Variants in CACHD1 observed in about 807,000 individuals in gnomAD.
CACHD1 encodes VWFA and cache domain-containing protein 1.
CACHD1 carries 71 observed loss-of-function variants against 138.7 expected under a neutral mutation model. The ratio of observed to expected loss-of-function variants is 0.51; its 90% CI spans 0.42 to 0.62. The LOEUF (loss-of-function observed/expected upper bound fraction) is 0.62, where lower values mean the gene tolerates loss of function less well. Among genes scored for constraint, CACHD1 ranks in the 20% least tolerant of loss-of-function variants. The probability of loss-of-function intolerance (pLI) is 0.00; values close to 1 mark genes in which losing one functional copy is unlikely to be tolerated. For synonymous variants in CACHD1, 578 were observed against 591.5 expected (o/e 0.98, Z 0.33); for missense variants, 1,389 against 1,625.3 (o/e 0.85, Z 2.50).
intron 4 of CACHD1, among the ~76,000 whole-genome samples, chr1:64,605,752 C>T (rs568741094): frequency 1.3e-5 from 2 of 152,262 alleles, no homozygotes; most frequent in East Asian, 3.9e-4. Flanking sequence ...CAGCCAGGGC[C>T]TCATCCTCAT....
At chr1:64,606,247 T>C (rs967501383) in intron 4 of CACHD1, among the ~76,000 whole-genome samples, 2 of 151,976 alleles carry the variant, frequency 1.3e-5, no homozygotes, top group African/African-American at 4.8e-5. Flanking sequence ...AGATGAGACA[T>C]AGGGAATACG....
At chr1:64,485,133 T>C (rs1646235049) in intron 1 of CACHD1, among the ~76,000 whole-genome samples, 1 of 152,206 alleles carries the variant, frequency 6.6e-6, no homozygotes, top group Non-Finnish European at 1.5e-5. Flanking sequence ...CCAATACTTG[T>C]TTTTTGTTTG....
intron 1 of CACHD1, among the ~76,000 whole-genome samples, chr1:64,501,686 G>A (rs747518297): frequency 6.6e-6 from 1 of 152,176 alleles, no homozygotes; most frequent in Non-Finnish European, 1.5e-5. Flanking sequence ...CAAACACCTT[G>A]AAATACTACC....
At chr1:64,553,335 C>G (rs528667054) in intron 2 of CACHD1, among the ~76,000 whole-genome samples, 1 of 152,280 alleles carries the variant, frequency 6.6e-6, no homozygotes. Flanking sequence ...ACTGCTTAGA[C>G]ATTCTAGACT....
Position 64,691,563 on chromosome 1 carries a change from A to G in CACHD1, c.*2A>G. The G allele has an allele frequency of 6.2e-7, 1 of 1,611,098 alleles. No homozygotes were observed. The stretch of plus-strand genomic sequence containing the variant: ...CACACTGTCGATGCAGAATGCTAAC[A>G]ATCTCCTCACCTCCACGCCAAGATG... On this transcript the variant is annotated 3_prime_UTR_variant, in exon 27 of 27. Coordinates refer to ENST00000651257, the MANE Select transcript of CACHD1 (RefSeq NM_020925.4).
Position 64,691,816 on chromosome 1 carries a change from T to C in CACHD1, c.*255T>C, listed in dbSNP as rs1570491258. ...CTGATGAACAGACCTGCCATAACAC[T>C]AATGGAAGGTAACAGAAGGCGAACC... On this transcript the variant is annotated 3_prime_UTR_variant, in exon 27 of 27. Coordinates refer to ENST00000651257, the MANE Select transcript of CACHD1 (RefSeq NM_020925.4). 6.3e-6 allele frequency: 3 copies of C among 473,402 alleles called. No homozygotes were observed. The East Asian group carries it at 1.1e-4, about 17-fold the overall frequency. The allele number at this position is 473,402 out of a possible 1,614,324, so 29.3% of individuals were successfully genotyped here.
chr1:64,665,385 A>T (rs1415906780), intron 15 of CACHD1, among the ~76,000 whole-genome samples: 5 of 151,886 alleles, frequency 3.3e-5, no homozygotes, highest in African/African-American at 1.2e-4. Context: ...GCTTACGCCT[A>T]GGAGTTTGAG....
intron 4 of CACHD1, among the ~76,000 whole-genome samples, chr1:64,620,579 C>T (rs917337737): frequency 6.6e-6 from 1 of 152,118 alleles, no homozygotes; most frequent in Non-Finnish European, 1.5e-5. Context: ...TGTTTGCCAT[C>T]AAAGAAATCA....
intron 7 of CACHD1, among the ~76,000 whole-genome samples, chr1:64,637,182 T>C (rs573391362): frequency 2.0e-5 from 3 of 152,338 alleles, no homozygotes; most frequent in African/African-American, 7.2e-5. Flanking sequence ...AAAGTCTAGT[T>C]TTGATTATTA....
At chr1:64,651,938 G>T (rs559532269) in intron 9 of CACHD1, among the ~76,000 whole-genome samples, 27 of 151,636 alleles carry the variant, frequency 1.8e-4, no homozygotes, top group Admixed American at 1.8e-3. Context: ...AATTAACTGC[G>T]CTATCTGAGC....
chr1:64,671,430 T>G, intron 16 of CACHD1, 134 bp from the exon 17 acceptor site: 1 of 925,208 alleles, frequency 1.1e-6, no homozygotes, highest in South Asian at 1.6e-5. Flanking sequence ...GTTGATCATT[T>G]TTGTAGGTGG....
chr1:64,550,864 ACGC>A (rs1422715454), intron 2 of CACHD1, among the ~76,000 whole-genome samples: 1 of 152,170 alleles, frequency 6.6e-6, no homozygotes, highest in Non-Finnish European at 1.5e-5. Context: ...TCTGCTATCC[ACGC>A]TATAATTTGG....
intron 4 of CACHD1, among the ~76,000 whole-genome samples, chr1:64,617,198 A>G (rs981424982): frequency 4.6e-5 from 7 of 151,972 alleles, no homozygotes; most frequent in African/African-American, 1.4e-4. Context: ...TTCAGCCGCC[A>G]TGCAGACCTA....
At chr1:64,633,845 GGGGTTTCCCCACTTTACCAATCCTTAT>G (rs1468484305) in intron 6 of CACHD1, among the ~76,000 whole-genome samples, 172 bp from the exon 7 acceptor site, 1 of 152,134 alleles carries the variant, frequency 6.6e-6, no homozygotes. Flanking sequence ...CCAAACTCTA[GGGGTTTCCCCACTTTACCAATCCTTAT>G]GGATCCTTTT....
chr1:64,629,812 G>A (rs1291119420), intron 5 of CACHD1, among the ~76,000 whole-genome samples: 3 of 152,144 alleles, frequency 2.0e-5, no homozygotes, highest in African/African-American at 7.2e-5. Flanking sequence ...TATCTATAGT[G>A]CAGCCCTTGA....
chr1:64,600,680 G>A (rs1388572785), intron 3 of CACHD1, among the ~76,000 whole-genome samples: 2 of 152,156 alleles, frequency 1.3e-5, no homozygotes, highest in African/African-American at 2.4e-5. Context: ...GTCTATTTAT[G>A]GAATCTGATC....
At chr1:64,625,599 C>T (rs937674252) in intron 4 of CACHD1, among the ~76,000 whole-genome samples, 5 of 151,280 alleles carry the variant, frequency 3.3e-5, no homozygotes, top group African/African-American at 7.3e-5. Context: ...TGCACTCCAG[C>T]CTGGGTGATA....
intron 1 of CACHD1, among the ~76,000 whole-genome samples, chr1:64,533,946 G>A: frequency 6.6e-6 from 1 of 151,450 alleles, no homozygotes. Context: ...CTAGAGATGG[G>A]GTTTCACAGT....
chr1:64,657,271 TGTAGAGA>T (rs1356664653), intron 12 of CACHD1, among the ~76,000 whole-genome samples: 1 of 152,222 alleles, frequency 6.6e-6, no homozygotes, highest in African/African-American at 2.4e-5. Context: ...TTCCTTTTAA[TGTAGAGA>T]CTATTTTTTT....
Sources: gnomAD v4.1 joint callset for allele counts (sites outside exome capture counted in the v4.1 genomes callset) on GRCh38, gnomAD v4.1.1 for gene constraint, MANE v1.5 for transcripts, NCBI Gene and HGNC (gene_info 2026-07-23, HGNC 2026-07-21) for gene names.